The following CHN2 variants were observed in gnomAD, a reference collection of about 807,000 sequenced individuals.
CHN2 encodes the protein beta-chimaerin.
CHN2 carries 35 observed loss-of-function variants against 56.3 expected under a neutral mutation model. The ratio of observed to expected loss-of-function variants is 0.62; its 90% confidence interval spans 0.47 to 0.82. The LOEUF is 0.82. CHN2 is among the 40% of genes least tolerant of loss of function. The probability of loss-of-function intolerance (pLI) is 0.00; values close to 1 mark genes in which losing one functional copy is unlikely to be tolerated. For missense variants in CHN2, 491 were observed against 580.5 expected, an observed-to-expected ratio of 0.85 and a Z score of 1.58; for synonymous variants, 210 against 212.8, an observed-to-expected ratio of 0.99 and a Z score of 0.12.
At chr7:29,301,998 C>T (rs11767958) in intron 1 of CHN2, among the ~76,000 whole-genome samples, 52,121 of 151,976 alleles carry the variant, frequency 0.34, 9,327 homozygotes, top group African/African-American at 0.42. Flanking sequence ...TTGTGAGATG[C>T]ACTTCCCCTT....
At chr7:29,240,245 A>G (rs920558701) in intron 1 of CHN2, among the ~76,000 whole-genome samples, 1 of 152,194 alleles carries the variant, frequency 6.6e-6, no homozygotes, top group Non-Finnish European at 1.5e-5. Context: ...TGCTTATCTG[A>G]AAAGGAGGAT....
At chr7:29,437,332 C>G (rs1217240491) in intron 6 of CHN2, among the ~76,000 whole-genome samples, 1 of 138,268 alleles carries the variant, frequency 7.2e-6, no homozygotes, top group Admixed American at 7.0e-5. Context: ...GGCGCGGTGG[C>G]TCACGCCTGT....
intron 9 of CHN2, 82 bp from the exon 10 acceptor site, chr7:29,504,662 A>G (rs930494870): frequency 1.1e-5 from 9 of 851,224 alleles, no homozygotes; most frequent in African/African-American, 3.4e-5. Flanking sequence ...GATAGCATGT[A>G]GTATAGACGT....
intron 1 of CHN2, among the ~76,000 whole-genome samples, chr7:29,227,223 T>C (rs1786277509): frequency 6.6e-6 from 1 of 152,212 alleles, no homozygotes. Flanking sequence ...AGAAGATGTC[T>C]CCATGCCTTG....
At chr7:29,480,238 G>A in intron 6 of CHN2, 41 bp from the exon 7 acceptor site, 1 of 1,614,144 alleles carries the variant, frequency 6.2e-7, no homozygotes, top group Non-Finnish European at 8.5e-7. Flanking sequence ...GTCAAAGGCG[G>A]CTTTCTTTGG....
intron 1 of CHN2, among the ~76,000 whole-genome samples, chr7:29,259,289 T>G (rs1789344657): frequency 6.6e-6 from 1 of 151,184 alleles, no homozygotes; most frequent in Non-Finnish European, 1.5e-5. Context: ...ATTGTGCCAC[T>G]GCCCTCCAGC....
intron 6 of CHN2, among the ~76,000 whole-genome samples, chr7:29,437,737 C>CTATA (rs1783347615): frequency 6.6e-6 from 1 of 151,520 alleles, no homozygotes; most frequent in African/African-American, 2.4e-5. Context: ...AAAAAAATAC[C>CTATA]TATATAGATT....
At chr7:29,170,482 A>G (rs58153700) in intron 2 of CHN2, among the ~76,000 whole-genome samples, 2,371 of 152,194 alleles carry the variant, frequency 0.016, 63 homozygotes, top group African/African-American at 0.055. Context: ...ATTTTCTCCA[A>G]TTGTTCATCT....
chr7:29,387,943 A>C (rs574854083), intron 3 of CHN2, among the ~76,000 whole-genome samples: 1 of 152,202 alleles, frequency 6.6e-6, no homozygotes, highest in African/African-American at 2.4e-5. Context: ...ATACCTACTC[A>C]TTACTGCATT....
In CHN2 at chr7:29,499,998, C is replaced by A; in HGVS notation, c.871C>A (p.Pro291Thr). 1 of 1,595,410 alleles carries A rather than the reference C, an allele frequency of 6.3e-7. No homozygotes were observed. The highest frequency in any genetic ancestry group is 8.5e-7 in the Non-Finnish European group (1 of 1,171,056). ...TGTGAAGGCTCACAACACTCAGAGA[C>A]CCATGGTGGTAGACATATGCATTCG... ...TLVKAHNTQR[P>T]MVVDICIREI... The change falls in exon 9 of 13, where the codon CCC becomes ACC. Residue 291 changes from proline (P) to threonine (T), a missense_variant. By Grantham distance (38) the Pro-to-Thr change is conservative. Coordinates refer to ENST00000222792, the MANE Select transcript of CHN2 (RefSeq NM_004067.4).
intron 1 of CHN2, among the ~76,000 whole-genome samples, chr7:29,215,527 C>T (rs1019676460): frequency 6.6e-6 from 1 of 152,158 alleles, no homozygotes; most frequent in African/African-American, 2.4e-5. Flanking sequence ...GCACACTCAC[C>T]TAAGTCTGTT....
At chr7:29,382,563 G>A (rs1800599155) in intron 3 of CHN2, among the ~76,000 whole-genome samples, 1 of 152,226 alleles carries the variant, frequency 6.6e-6, no homozygotes, top group Non-Finnish European at 1.5e-5. Context: ...GTTATGCCAT[G>A]AGGCTGAGCT....
intron 2 of CHN2, among the ~76,000 whole-genome samples, chr7:29,165,317 T>C (rs1242238651): frequency 6.6e-6 from 1 of 152,222 alleles, no homozygotes; most frequent in African/African-American, 2.4e-5. Context: ...TTTATTGCAA[T>C]TTTGGATTGA....
At chr7:29,308,917 G>C (rs1210328060) in intron 1 of CHN2, among the ~76,000 whole-genome samples, 1 of 152,084 alleles carries the variant, frequency 6.6e-6, no homozygotes, top group Non-Finnish European at 1.5e-5. Context: ...AGACCAGAAG[G>C]GTGTGAGGAT....
intron 4 of CHN2, among the ~76,000 whole-genome samples, chr7:29,396,032 T>C (rs1272347169): frequency 6.6e-6 from 1 of 152,192 alleles, no homozygotes; most frequent in East Asian, 1.9e-4. Flanking sequence ...ATTGTACTTA[T>C]GTATCAAAAT....
chr7:29,393,671 T>A lies in CHN2; in HGVS notation c.145-8T>A. On this transcript the variant is annotated splice_region_variant and splice_polypyrimidine_tract_variant and intron_variant, in intron 3 of 12. Transcript: ENST00000222792. ...TGCATTATTAATTTTTTTTTCTTTT[T>A]AATATAGGTGGAAAACAGACCAAAA... The A allele has an allele frequency of 1.1e-6, 1 of 900,790 alleles. No homozygotes were observed. Among genetic ancestry groups the A allele is most frequent in the Non-Finnish European group, 1.6e-6 (1 of 613,140 alleles). 55.8% of individuals were successfully genotyped at this position (900,790 alleles called of 1,614,324 possible).
In CHN2 at chr7:29,417,381, G is replaced by C. The variant is rs1050648777; in HGVS notation, c.576+16553G>C. Reference sequence around the variant, plus strand: ...GACAGAGTCTCGCTCTGTCCCCCAGGCTGGAGTGCAGTGGCGCGATCTCCG... The same window carrying C: ...GACAGAGTCTCGCTCTGTCCCCCAGCCTGGAGTGCAGTGGCGCGATCTCCG... On this transcript the variant is annotated intron_variant, in intron 6 of 12. Transcript: ENST00000222792. Among the ~76,000 whole-genome samples the C allele has an allele frequency of 3.4e-5, 5 of 145,522 alleles. No homozygotes were observed. The South Asian group carries it at 1.1e-3, about 32-fold the overall frequency.
chr7:29,435,894 C>CTT (rs57786505), intron 6 of CHN2, among the ~76,000 whole-genome samples: 10,483 of 137,316 alleles, frequency 0.076, 1,039 homozygotes, highest in African/African-American at 0.22. Flanking sequence ...GAAGCGCCTC[C>CTT]TTTTTTTTTT....
intron 4 of CHN2, among the ~76,000 whole-genome samples, chr7:29,394,101 T>C (rs1801555749): frequency 6.6e-6 from 1 of 152,164 alleles, no homozygotes; most frequent in African/African-American, 2.4e-5. Flanking sequence ...CTGACTTTCG[T>C]GTACCTCGGT....
Sources: allele counts gnomAD v4.1 joint callset (sites outside exome capture counted in the v4.1 genomes callset), GRCh38; gene constraint gnomAD v4.1.1; transcripts MANE v1.5; gene names NCBI Gene and HGNC (gene_info 2026-07-23, HGNC 2026-07-21).